Variants in FRMD4A observed in about 807,000 individuals in gnomAD.
The protein encoded by FRMD4A is FERM domain-containing protein 4A.
FRMD4A carries 29 observed loss-of-function variants against 129.1 expected under a neutral mutation model. That is an observed-to-expected ratio of 0.22 (90% CI 0.17 to 0.31). The LOEUF (loss-of-function observed/expected upper bound fraction) is 0.31, where lower values mean the gene tolerates loss of function less well. Ranked by LOEUF, FRMD4A falls within the 10% of genes least tolerant of loss-of-function variation. The pLI is 1.00. For missense variants in FRMD4A, 1,272 were observed against 1,375.8 expected (o/e 0.92, Z 1.19); for synonymous variants, 634 against 571.6 (o/e 1.11, Z -1.56).
At position 13,657,413 on chromosome 10, in the gene FRMD4A, C is replaced by T. The variant is rs530187033; in HGVS notation, c.2176G>A (p.Gly726Arg). The change falls in exon 22 of 25, where the codon GGG becomes AGG. Residue 726 changes from glycine (G) to arginine (R), a missense_variant. Physicochemically the swap from Gly to Arg is moderately radical, Grantham distance 125. Transcript: ENST00000357447. Reference protein sequence around the residue: ...GKLLGSENDTGSPDFYTPRTR... With the variant: ...GKLLGSENDTRSPDFYTPRTR... ...CGCGGGGTGTAGAAGTCGGGGCTCCCGGTGTCGTTTTCCGAGCCCAGGAGC... is the reference window on the plus strand; with the variant it reads ...CGCGGGGTGTAGAAGTCGGGGCTCCTGGTGTCGTTTTCCGAGCCCAGGAGC... The T allele has an allele frequency of 1.2e-6, 2 of 1,612,886 alleles. No homozygotes were observed. The highest frequency in any genetic ancestry group is 1.3e-5 in the African/African-American group (1 of 75,022).
chr10:13,989,640 A>C (rs1383302978), intron 2 of FRMD4A, among the ~76,000 whole-genome samples: 1 of 152,194 alleles, frequency 6.6e-6, no homozygotes, highest in East Asian at 1.9e-4. Flanking sequence ...AATTGATTTT[A>C]AATAAGAATA....
chr10:13,783,025 G>C lies in FRMD4A; in HGVS notation c.300-19C>G. On this transcript the variant is annotated intron_variant, in intron 5 of 24. Transcript: ENST00000357447. ...ATAGAACCTGAAAGAGAAAAATGGT[G>C]CGTGAACCACAGAAACAGCAGGTGC... The C allele has an allele frequency of 1.1e-6, 1 of 934,572 alleles. No individual in the cohort carries two copies. The highest frequency in any genetic ancestry group is 1.8e-6 in the Non-Finnish European group (1 of 559,072). 57.9% of individuals were successfully genotyped at this position (934,572 alleles called of 1,614,324 possible). A position where few individuals can be genotyped will look rare whatever the true frequency, so the allele number is the denominator to read the frequency against.
At position 13,882,872 on chromosome 10, in the gene FRMD4A, C is replaced by T. The variant is rs577667844; in HGVS notation, c.46-23960G>A. On this transcript the variant is annotated intron_variant, in intron 2 of 24. Coordinates refer to ENST00000357447, the MANE Select transcript of FRMD4A (RefSeq NM_018027.5). ...AGGCTGGAGTGCAGTGGCACTATCA[C>T]GGCTCACTGCAACCTCTGCCTTCTG... Among the ~76,000 whole-genome samples the T allele has an allele frequency of 1.3e-3, 192 of 151,460 alleles. 1 individual carries two copies. The highest frequency in any genetic ancestry group is 3.5e-3 in the South Asian group (17 of 4,802).
chr10:14,136,059 C>A (rs1256256383), intron 2 of FRMD4A, among the ~76,000 whole-genome samples: 1 of 152,168 alleles, frequency 6.6e-6, no homozygotes, highest in Non-Finnish European at 1.5e-5. Context: ...GTTTTCCTAT[C>A]ATCTTGTTAA....
intron 2 of FRMD4A, among the ~76,000 whole-genome samples, chr10:14,116,326 C>A (rs948565223): frequency 2.6e-5 from 4 of 152,138 alleles, no homozygotes; most frequent in Non-Finnish European, 5.9e-5. Context: ...CGGATTCAAG[C>A]GAAGAATGCA....
intron 4 of FRMD4A, among the ~76,000 whole-genome samples, chr10:13,799,014 G>A (rs2093190196): frequency 6.6e-6 from 1 of 152,170 alleles, no homozygotes; most frequent in South Asian, 2.1e-4. Flanking sequence ...GCTCCAGAAA[G>A]TCTTCCCACA....
intron 2 of FRMD4A, among the ~76,000 whole-genome samples, chr10:14,237,617 C>T (rs1843874738): frequency 6.6e-6 from 1 of 152,200 alleles, no homozygotes; most frequent in South Asian, 2.1e-4. Flanking sequence ...AGACGTGAGC[C>T]ACTGCACCTG....
chr10:14,305,968 A>G (rs897769640), intron 2 of FRMD4A, among the ~76,000 whole-genome samples: 6 of 152,142 alleles, frequency 3.9e-5, no homozygotes, highest in African/African-American at 7.2e-5. Context: ...ATTGGGACCT[A>G]TTTGGCGGAT....
chr10:14,099,447 T>C (rs1166531822), intron 2 of FRMD4A, among the ~76,000 whole-genome samples: 2 of 152,212 alleles, frequency 1.3e-5, no homozygotes, highest in African/African-American at 2.4e-5. Flanking sequence ...TGCATAGCCA[T>C]CCCTCGGGGT....
intron 2 of FRMD4A, among the ~76,000 whole-genome samples, chr10:13,900,012 G>T (rs1323306235): frequency 6.6e-6 from 1 of 152,136 alleles, no homozygotes; most frequent in Admixed American, 6.5e-5. Flanking sequence ...TGTCAAGCAG[G>T]TGTTAAAAAT....
chr10:14,029,716 C>T (rs946208759), intron 2 of FRMD4A, among the ~76,000 whole-genome samples: 2 of 151,620 alleles, frequency 1.3e-5, no homozygotes, highest in African/African-American at 4.8e-5. Flanking sequence ...GAAGTTTAAT[C>T]CAATTATTAA....
intron 3 of FRMD4A, among the ~76,000 whole-genome samples, chr10:13,838,991 C>CTT (rs373871027): frequency 0.33 from 31,406 of 95,630 alleles, 6,241 homozygotes; most frequent in African/African-American, 0.38. Flanking sequence ...GAATAATTTC[C>CTT]TTTTTTTTTT....
At chr10:13,799,561 T>C (rs2093206676) in intron 4 of FRMD4A, among the ~76,000 whole-genome samples, 1 of 152,220 alleles carries the variant, frequency 6.6e-6, no homozygotes, top group South Asian at 2.1e-4. Context: ...TATCTTAAGC[T>C]GCAACCACTT....
At chr10:14,305,643 C>G (rs1564453452) in intron 2 of FRMD4A, among the ~76,000 whole-genome samples, 1 of 151,950 alleles carries the variant, frequency 6.6e-6, no homozygotes, top group East Asian at 1.9e-4. Context: ...GAGTGAGACT[C>G]TATAAAAATT....
At chr10:13,938,779 G>C (rs2095268520) in intron 2 of FRMD4A, among the ~76,000 whole-genome samples, 1 of 152,196 alleles carries the variant, frequency 6.6e-6, no homozygotes, top group Non-Finnish European at 1.5e-5. Context: ...GGTGCTACCA[G>C]CATCAGTTGG....
intron 2 of FRMD4A, among the ~76,000 whole-genome samples, chr10:13,936,096 G>C (rs1055860454): frequency 6.6e-6 from 1 of 152,178 alleles, no homozygotes; most frequent in African/African-American, 2.4e-5. Context: ...ATCTTATATT[G>C]AATAAGATAA....
chr10:14,319,794 A>G (rs1436982218), intron 2 of FRMD4A, among the ~76,000 whole-genome samples: 1 of 151,974 alleles, frequency 6.6e-6, no homozygotes, highest in African/African-American at 2.4e-5. Flanking sequence ...TTTACCTCCA[A>G]CTGCCCACCC....
intron 2 of FRMD4A, among the ~76,000 whole-genome samples, chr10:13,941,396 A>G (rs991227377): frequency 6.6e-6 from 1 of 152,164 alleles, no homozygotes; most frequent in Non-Finnish European, 1.5e-5. Context: ...CTTTTTCTTT[A>G]TAAGTTACCC....
At chr10:14,161,901 T>C (rs1236180288) in intron 2 of FRMD4A, among the ~76,000 whole-genome samples, 1 of 152,152 alleles carries the variant, frequency 6.6e-6, no homozygotes, top group African/African-American at 2.4e-5. Context: ...TATCAAAATA[T>C]CACATGTATG....
Sources: gnomAD v4.1 joint callset for allele counts (sites outside exome capture counted in the v4.1 genomes callset) on GRCh38, gnomAD v4.1.1 for gene constraint, MANE v1.5 for transcripts, NCBI Gene and HGNC (gene_info 2026-07-23, HGNC 2026-07-21) for gene names.